Variants in SIK3 observed in about 807,000 individuals in gnomAD.
SIK3 encodes SIK family kinase 3.
Under a neutral mutation model 144.2 loss-of-function variants are expected in SIK3, and 28 were observed. The observed-to-expected ratio is 0.19, with a 90% CI of 0.14 to 0.27. SIK3 has a LOEUF of 0.27. SIK3 is among the 10% of genes least tolerant of loss of function. The pLI is 1.00. For synonymous variants in SIK3, 686 were observed against 676.3 expected (o/e 1.01, Z -0.22); for missense variants, 1,319 against 1,776.0 (o/e 0.74, Z 4.62).
At chr11:116,869,060 T>C (rs1458829640) in intron 14 of SIK3, 1 of 152,220 alleles carries the variant, frequency 6.6e-6, no homozygotes, top group Non-Finnish European at 1.5e-5. Flanking sequence ...AAAATATTGC[T>C]GTCTCTTTTA....
intron 1 of SIK3, among the ~76,000 whole-genome samples, chr11:117,044,549 G>A (rs1426120468): frequency 1.3e-5 from 2 of 151,626 alleles, no homozygotes; most frequent in East Asian, 1.9e-4. Context: ...TTCCCTCCTC[G>A]GCTTTAAATA....
intron 6 of SIK3, among the ~76,000 whole-genome samples, chr11:116,883,262 T>C (rs934805770): frequency 2.6e-5 from 4 of 152,214 alleles, no homozygotes; most frequent in African/African-American, 9.7e-5. Context: ...TGCCTGCCTT[T>C]TCCTAAAAGA....
intron 5 of SIK3, 26 bp downstream of exon 5, chr11:116,897,167 G>A (rs367911837): frequency 6.2e-7 from 1 of 1,610,396 alleles, no homozygotes; most frequent in Non-Finnish European, 8.5e-7. Context: ...TAATGCTGTG[G>A]GGTATAAGAG....
intron 6 of SIK3, among the ~76,000 whole-genome samples, chr11:116,893,612 A>G (rs1167068687): frequency 6.6e-6 from 1 of 152,100 alleles, no homozygotes; most frequent in Non-Finnish European, 1.5e-5. Flanking sequence ...GTCCAGCTGC[A>G]GTGAGCCACG....
chr11:116,879,700 A>C (rs898911885), intron 6 of SIK3, among the ~76,000 whole-genome samples: 1 of 152,256 alleles, frequency 6.6e-6, no homozygotes, highest in Admixed American at 6.5e-5. Flanking sequence ...GATTTCTTAC[A>C]TCAGGCATCA....
intron 6 of SIK3, among the ~76,000 whole-genome samples, chr11:116,878,462 C>T (rs1781706052): frequency 6.6e-6 from 1 of 151,842 alleles, no homozygotes; most frequent in South Asian, 2.1e-4. Context: ...TCACTGCAAC[C>T]TCCGCCTCCT....
At chr11:117,051,088 T>C (rs1953216714) in intron 1 of SIK3, among the ~76,000 whole-genome samples, 1 of 152,172 alleles carries the variant, frequency 6.6e-6, no homozygotes, top group African/African-American at 2.4e-5. Context: ...AGGGTGGGCG[T>C]CATAATCTGT....
intron 1 of SIK3, among the ~76,000 whole-genome samples, chr11:116,992,754 G>C (rs1442014757): frequency 6.6e-6 from 1 of 152,132 alleles, no homozygotes; most frequent in African/African-American, 2.4e-5. Flanking sequence ...GGGAGCCAAG[G>C]CAGGAGGACT....
chr11:117,071,935 T>TGTTC (rs1447322017), intron 1 of SIK3, among the ~76,000 whole-genome samples: 2 of 151,222 alleles, frequency 1.3e-5, no homozygotes, highest in Non-Finnish European at 3.0e-5. Flanking sequence ...TGTGTTTGTT[T>TGTTC]GTTTGTTTTA....
At chr11:117,082,911 CTT>C (rs1171264560) in intron 1 of SIK3, among the ~76,000 whole-genome samples, 1 of 152,096 alleles carries the variant, frequency 6.6e-6, no homozygotes, top group Non-Finnish European at 1.5e-5. Flanking sequence ...AGTCTCAGTT[CTT>C]TAACTACAGA....
chr11:116,932,730 C>T (rs1947681851), intron 3 of SIK3, among the ~76,000 whole-genome samples: 1 of 152,182 alleles, frequency 6.6e-6, no homozygotes. Context: ...TATGTAATTT[C>T]ATCATTTTAA....
intron 4 of SIK3, among the ~76,000 whole-genome samples, chr11:116,900,745 A>G (rs1479505827): frequency 2.0e-5 from 3 of 152,186 alleles, no homozygotes; most frequent in African/African-American, 7.2e-5. Flanking sequence ...TGAAGGCTTA[A>G]CTGATTTCCA....
At chr11:116,877,221 G>A (rs1944302376) in intron 6 of SIK3, among the ~76,000 whole-genome samples, 179 bp from the exon 7 acceptor site, 1 of 152,184 alleles carries the variant, frequency 6.6e-6, no homozygotes, top group Non-Finnish European at 1.5e-5. Flanking sequence ...GCTAAGCAAA[G>A]GCAGAGAGAG....
intron 4 of SIK3, among the ~76,000 whole-genome samples, chr11:116,919,884 G>T (rs1946866475): frequency 6.6e-6 from 1 of 152,068 alleles, no homozygotes. Context: ...TTTCTCTCTT[G>T]AATTTGTTGC....
At chr11:116,930,760 T>C (rs1289575708) in intron 3 of SIK3, among the ~76,000 whole-genome samples, 1 of 151,372 alleles carries the variant, frequency 6.6e-6, no homozygotes, top group Non-Finnish European at 1.5e-5. Flanking sequence ...CTAGCTAGAG[T>C]CCTGCCCCCT....
chr11:117,055,486 C>A (rs1321757526), intron 1 of SIK3, among the ~76,000 whole-genome samples: 1 of 152,132 alleles, frequency 6.6e-6, no homozygotes, highest in Non-Finnish European at 1.5e-5. Context: ...AATAATGGAG[C>A]CAGATTCAAA....
At chr11:116,920,891 A>G (rs1946931061) in intron 4 of SIK3, among the ~76,000 whole-genome samples, 1 of 152,200 alleles carries the variant, frequency 6.6e-6, no homozygotes, top group Admixed American at 6.5e-5. Context: ...TCATCCTCTG[A>G]ACTCCTATGC....
chr11:117,086,531 A>C (rs966333355), intron 1 of SIK3, among the ~76,000 whole-genome samples: 1 of 152,110 alleles, frequency 6.6e-6, no homozygotes, highest in Non-Finnish European at 1.5e-5. Context: ...TCTACTAAAA[A>C]TACAAAAAAA....
intron 1 of SIK3, among the ~76,000 whole-genome samples, chr11:116,959,166 C>A (rs897762617): frequency 6.6e-6 from 1 of 152,066 alleles, no homozygotes; most frequent in Non-Finnish European, 1.5e-5. Context: ...CCCATCTCTA[C>A]TAAAAAACTT....
Sources: allele counts gnomAD v4.1 joint callset (sites outside exome capture counted in the v4.1 genomes callset), GRCh38; gene constraint gnomAD v4.1.1; transcripts MANE v1.5; gene names NCBI Gene and HGNC (gene_info 2026-07-23, HGNC 2026-07-21).